The following LRMDA variants were observed in gnomAD, a reference collection of about 807,000 sequenced individuals.
LRMDA encodes the protein leucine rich melanocyte differentiation associated, also known as leucine-rich melanocyte differentiation-associated protein.
A neutral mutation model predicts 29.8 loss-of-function variants in LRMDA; 18 were observed. The observed-to-expected ratio is 0.60, with a 90% CI of 0.42 to 0.90. The LOEUF (loss-of-function observed/expected upper bound fraction) is 0.90, where lower values mean the gene tolerates loss of function less well. Ranked by LOEUF, LRMDA falls within the 40% of genes least tolerant of loss-of-function variation. The pLI is 0.00. For missense variants in LRMDA, 273 were observed against 273.9 expected (o/e 1.00, Z 0.02); for synonymous variants, 125 against 109.4 (o/e 1.14, Z -0.89).
chr10:75,783,388 T>A (rs1469643923), intron 2 of LRMDA, among the ~76,000 whole-genome samples: 1 of 151,976 alleles, frequency 6.6e-6, no homozygotes, highest in African/African-American at 2.4e-5. Context: ...TGTAGCACAT[T>A]TTACAAGCTC....
intron 5 of LRMDA, among the ~76,000 whole-genome samples, chr10:76,216,478 A>C (rs1490397952): frequency 6.6e-6 from 1 of 152,230 alleles, no homozygotes; most frequent in African/African-American, 2.4e-5. Flanking sequence ...CAGTAAGAAA[A>C]CTACAGATAA....
rs138267258 is a variant in LRMDA at position 75,609,745 on chromosome 10, T to C, written c.131+171251T>C. ...TACAGAGCATGATGTGAGCCTCAGG[T>C]GGAACCAGGCTGCGATATGCGTGCT... On this transcript the variant is annotated intron_variant, in intron 2 of 6. Coordinates refer to ENST00000611255, the MANE Select transcript of LRMDA (RefSeq NM_001305581.2). Among the ~76,000 whole-genome samples, 780 of 152,258 alleles carry C rather than the reference T, an allele frequency of 5.1e-3. 8 individuals are homozygous for C. The highest frequency in any genetic ancestry group is 0.018 in the African/African-American group (747 of 41,530).
intron 2 of LRMDA, among the ~76,000 whole-genome samples, chr10:75,633,433 T>C (rs144894237): frequency 1.3e-5 from 2 of 152,374 alleles, no homozygotes; most frequent in African/African-American, 2.4e-5. Flanking sequence ...TGTGGGTTTG[T>C]ATTCTTTAGT....
At chr10:76,325,886 G>A (rs1840828214) in intron 6 of LRMDA, among the ~76,000 whole-genome samples, 1 of 152,114 alleles carries the variant, frequency 6.6e-6, no homozygotes, top group Non-Finnish European at 1.5e-5. Context: ...TTGAAGAAAG[G>A]AAATATAACA....
At chr10:76,224,600 G>T (rs542554690) in intron 5 of LRMDA, among the ~76,000 whole-genome samples, 13 of 150,176 alleles carry the variant, frequency 8.7e-5, no homozygotes, top group Non-Finnish European at 1.6e-4. Flanking sequence ...GTTAGGCAAG[G>T]ATTGCTAGGT....
At chr10:76,438,664 C>T (rs1001157068) in intron 6 of LRMDA, 3 of 152,188 alleles carry the variant, frequency 2.0e-5, no homozygotes, top group Non-Finnish European at 2.9e-5. Context: ...CCAGGGGCCT[C>T]TCACAGTGGT....
intron 2 of LRMDA, among the ~76,000 whole-genome samples, chr10:75,917,395 C>T (rs1418712725): frequency 6.6e-6 from 1 of 152,218 alleles, no homozygotes; most frequent in African/African-American, 2.4e-5. Flanking sequence ...GAGAACACGA[C>T]TCCATGCTGT....
chr10:76,058,833 G>C (rs774822818), intron 5 of LRMDA, 50 bp downstream of exon 5: 1 of 1,405,896 alleles, frequency 7.1e-7, no homozygotes, highest in South Asian at 1.2e-5. Flanking sequence ...TCTCATGGCA[G>C]TGCTTACACC....
intron 2 of LRMDA, among the ~76,000 whole-genome samples, chr10:75,457,561 C>T (rs1007203633): frequency 3.3e-5 from 5 of 152,130 alleles, no homozygotes; most frequent in African/African-American, 1.2e-4. Flanking sequence ...TTCACCTTAT[C>T]ATTTTTTCAG....
chr10:76,267,271 T>C (rs1840018289), intron 5 of LRMDA, among the ~76,000 whole-genome samples: 1 of 152,206 alleles, frequency 6.6e-6, no homozygotes, highest in Admixed American at 6.5e-5. Flanking sequence ...ATTCAAATTA[T>C]ATAATTCAAC....
chr10:76,427,084 C>G (rs76359636), intron 6 of LRMDA, among the ~76,000 whole-genome samples: 1 of 152,096 alleles, frequency 6.6e-6, no homozygotes, highest in Non-Finnish European at 1.5e-5. Flanking sequence ...CTTGGCGATG[C>G]GGACTCTTTT....
At chr10:76,385,096 T>C (rs2132476605) in intron 6 of LRMDA, among the ~76,000 whole-genome samples, 1 of 152,294 alleles carries the variant, frequency 6.6e-6, no homozygotes, top group Non-Finnish European at 1.5e-5. Flanking sequence ...TTAAGTGTTG[T>C]CCAGTATTAG....
intron 2 of LRMDA, among the ~76,000 whole-genome samples, chr10:75,629,470 G>A (rs1430330): frequency 0.66 from 100,577 of 152,068 alleles, 34,395 homozygotes; most frequent in East Asian, 0.79. Context: ...GAATCGCTGT[G>A]TGCAGAGCCC....
intron 5 of LRMDA, among the ~76,000 whole-genome samples, chr10:76,167,051 CTAAT>C (rs1850753781): frequency 6.6e-6 from 1 of 152,120 alleles, no homozygotes; most frequent in Non-Finnish European, 1.5e-5. Context: ...TTGCATTTCT[CTAAT>C]TATCAGTGAT....
chr10:76,544,042 A>C (rs1036673698), intron 6 of LRMDA, among the ~76,000 whole-genome samples: 1 of 151,780 alleles, frequency 6.6e-6, no homozygotes, highest in Non-Finnish European at 1.5e-5. Context: ...CTTCTCCTGA[A>C]CTCACCACTG....
chr10:75,804,602 C>T (rs1843815425), intron 2 of LRMDA, among the ~76,000 whole-genome samples: 1 of 152,238 alleles, frequency 6.6e-6, no homozygotes, highest in Non-Finnish European at 1.5e-5. Context: ...GAGGGCTCCT[C>T]TTCTCTCCCT....
At chr10:75,870,967 T>C (rs906664841) in intron 2 of LRMDA, among the ~76,000 whole-genome samples, 1 of 152,224 alleles carries the variant, frequency 6.6e-6, no homozygotes, top group Non-Finnish European at 1.5e-5. Context: ...ATCTCAGTTA[T>C]CTGTGATGTA....
chr10:75,851,873 C>T (rs528046737), intron 2 of LRMDA, among the ~76,000 whole-genome samples: 31 of 152,316 alleles, frequency 2.0e-4, no homozygotes, highest in Non-Finnish European at 3.4e-4. Context: ...GCTTTGTGTA[C>T]GCACCTAATT....
chr10:75,529,414 A>C (rs2915020), intron 2 of LRMDA, among the ~76,000 whole-genome samples: 13,868 of 152,276 alleles, frequency 0.091, 854 homozygotes, highest in East Asian at 0.3. Context: ...TAGGTATGAA[A>C]TGTCTCAAAA....
Sources: gnomAD v4.1 joint callset for allele counts (sites outside exome capture counted in the v4.1 genomes callset) on GRCh38, gnomAD v4.1.1 for gene constraint, MANE v1.5 for transcripts, NCBI Gene and HGNC (gene_info 2026-07-23, HGNC 2026-07-21) for gene names.